The following MYOCD variants were observed in gnomAD, a reference collection of about 807,000 sequenced individuals.
MYOCD encodes the protein myocardin.
In MYOCD, 32 loss-of-function variants were observed where a neutral mutation model predicts 96.1. The ratio of observed to expected loss-of-function variants is 0.33; its 90% CI spans 0.25 to 0.45. MYOCD has a LOEUF of 0.45. Ranked by LOEUF, MYOCD falls within the 20% of genes least tolerant of loss-of-function variation. MYOCD has a pLI of 1.00. For missense variants in MYOCD, 1,133 were observed against 1,200.6 expected, an observed-to-expected ratio of 0.94 and a Z score of 0.83; for synonymous variants, 469 against 469.0, an observed-to-expected ratio of 1.00 and a Z score of 0.00.
intron 5 of MYOCD, among the ~76,000 whole-genome samples, chr17:12,734,603 C>T (rs950222497): frequency 4.7e-5 from 7 of 150,416 alleles, no homozygotes; most frequent in Middle Eastern, 3.5e-3. Flanking sequence ...CACTGCCTCC[C>T]GGGTTCAAGC....
intron 2 of MYOCD, among the ~76,000 whole-genome samples, chr17:12,715,161 G>A (rs2031600051): frequency 6.6e-6 from 1 of 152,044 alleles, no homozygotes. Flanking sequence ...CAAAGAGGGT[G>A]GTAGTTACCC....
chr17:12,733,721 G>A (rs919138391), intron 5 of MYOCD, among the ~76,000 whole-genome samples: 1 of 152,082 alleles, frequency 6.6e-6, no homozygotes, highest in African/African-American at 2.4e-5. Flanking sequence ...ACAAAAATTA[G>A]CTGGGCATGG....
In MYOCD at chr17:12,721,465, G is replaced by T. The variant is rs1252396280; in HGVS notation, c.254-1382G>T. On this transcript the variant is annotated intron_variant, in intron 4 of 13. Coordinates refer to ENST00000425538, the MANE Select transcript of MYOCD (RefSeq NM_001146312.3). ...ACAGGAAGAGTTAGGAAAGCCTTAT[G>T]CTGGGACCCAAAAGTACGATGTTGG... is the stretch of plus-strand genomic sequence containing the variant. Among the ~76,000 whole-genome samples the T allele has an allele frequency of 2.0e-5, 3 of 152,208 alleles. No individual in the cohort carries two copies. The East Asian group carries it at 5.8e-4, about 29-fold the overall frequency.
intron 1 of MYOCD, among the ~76,000 whole-genome samples, chr17:12,685,690 T>A (rs2150647515): frequency 6.6e-6 from 1 of 152,292 alleles, no homozygotes; most frequent in African/African-American, 2.4e-5. Flanking sequence ...AAGTTGAAGG[T>A]TCAGTTCTTC....
intron 2 of MYOCD, among the ~76,000 whole-genome samples, chr17:12,711,303 G>T (rs182776809): frequency 6.6e-6 from 1 of 152,212 alleles, no homozygotes; most frequent in East Asian, 1.9e-4. Flanking sequence ...AAACTCTCAG[G>T]CTTACTCAAG....
chr17:12,743,466 C>CA (rs2032569803), intron 7 of MYOCD, among the ~76,000 whole-genome samples: 1 of 149,010 alleles, frequency 6.7e-6, no homozygotes, highest in South Asian at 2.1e-4. Flanking sequence ...AAAGTGACTG[C>CA]ACATATGCAT....
At chr17:12,725,919 G>T (rs2031985544) in intron 5 of MYOCD, among the ~76,000 whole-genome samples, 1 of 152,106 alleles carries the variant, frequency 6.6e-6, no homozygotes, top group Admixed American at 6.5e-5. Flanking sequence ...ATCAAAAGAT[G>T]ATGAGGTGGC....
Position 12,729,868 on chromosome 17 carries a change from G to A in MYOCD, c.416-6293G>A, listed in dbSNP as rs910962911. The stretch of plus-strand genomic sequence containing the variant: ...CTAGAGGATTCACCTCAAGAGCAAC[G>A]CAGGGCAGGTATTTACACAGGTTAA... On this transcript the variant is annotated intron_variant, in intron 5 of 13. Transcript: ENST00000425538. Among the ~76,000 whole-genome samples the A allele has an allele frequency of 3.3e-5, 5 of 152,132 alleles. No individual in the cohort carries two copies. The South Asian group carries it at 6.2e-4, about 19-fold the overall frequency.
intron 7 of MYOCD, among the ~76,000 whole-genome samples, chr17:12,741,501 A>G (rs2032507671): frequency 6.6e-6 from 1 of 152,182 alleles, no homozygotes; most frequent in Non-Finnish European, 1.5e-5. Context: ...TGAGGTCAGG[A>G]GTTCGAGACC....
intron 3 of MYOCD, 111 bp downstream of exon 3, chr17:12,715,685 C>A (rs962960617): frequency 1.2e-5 from 9 of 773,122 alleles, no homozygotes; most frequent in Non-Finnish European, 1.9e-5. Context: ...AATCAATTTG[C>A]CAGTCCCCTG....
intron 2 of MYOCD, among the ~76,000 whole-genome samples, chr17:12,714,203 A>G (rs1567583634): frequency 6.6e-6 from 1 of 152,036 alleles, no homozygotes; most frequent in Non-Finnish European, 1.5e-5. Context: ...AGAGGATACT[A>G]TGGCCAACTA....
chr17:12,720,436 C>A (rs2031797609), intron 4 of MYOCD: 1 of 152,270 alleles, frequency 6.6e-6, no homozygotes, highest in African/African-American at 2.4e-5. Flanking sequence ...GTCCTGAATT[C>A]TTTCTCGACC....
In MYOCD at chr17:12,753,173, C is replaced by A. The variant is rs141965445; in HGVS notation, c.1885C>A (p.Leu629Ile). ...AACCAATGTACTTTCTTCCACATTTCTCAGCCCCCAGTGTTCCCCTCAGCA... is the reference window on the plus strand; with the variant it reads ...AACCAATGTACTTTCTTCCACATTTATCAGCCCCCAGTGTTCCCCTCAGCA... ...DQTNVLSSTF[L>I]SPQCSPQHSP... The change falls in exon 10 of 14, where the codon CTC becomes ATC. Residue 629 changes from leucine (L) to isoleucine (I), a missense_variant. Physicochemically the swap from Leu to Ile is conservative, Grantham distance 5. Transcript: ENST00000425538. 4.7e-4 allele frequency: 757 copies of A among 1,614,174 alleles called. 4 individuals are homozygous for A. The highest frequency in any genetic ancestry group is 4.6e-3 in the Middle Eastern group (28 of 6,062).
chr17:12,718,121 G>A (rs1391567070), intron 4 of MYOCD, among the ~76,000 whole-genome samples: 2 of 152,158 alleles, frequency 1.3e-5, no homozygotes, highest in African/African-American at 2.4e-5. Flanking sequence ...AACACACACT[G>A]TATTGGGTGT....
intron 6 of MYOCD, among the ~76,000 whole-genome samples, chr17:12,738,547 G>A (rs376508708): frequency 1.4e-3 from 215 of 151,290 alleles, no homozygotes; most frequent in South Asian, 0.014. Flanking sequence ...ACACACACAC[G>A]TATACACCTA....
intron 1 of MYOCD, among the ~76,000 whole-genome samples, chr17:12,679,468 T>A (rs1910317575): frequency 6.6e-6 from 1 of 152,212 alleles, no homozygotes; most frequent in Non-Finnish European, 1.5e-5. Context: ...TCAAGCATCA[T>A]GTTTGGTTGT....
At chr17:12,691,768 TA>T (rs766780705) in intron 1 of MYOCD, among the ~76,000 whole-genome samples, 27 of 152,214 alleles carry the variant, frequency 1.8e-4, no homozygotes, top group Non-Finnish European at 3.8e-4. Context: ...ACTCATGAGA[TA>T]AAAGTTTAGA....
intron 9 of MYOCD, among the ~76,000 whole-genome samples, chr17:12,749,717 A>ATACACATATGTATATATATGTGTATG (rs548373868): frequency 6.8e-6 from 1 of 147,644 alleles, no homozygotes; most frequent in African/African-American, 2.5e-5. Flanking sequence ...GTGTATATAT[A>ATACACATATGTATATATATGTGTATG]TGTGTGTGTG....
intron 1 of MYOCD, among the ~76,000 whole-genome samples, chr17:12,683,980 C>G (rs891566376): frequency 1.4e-4 from 21 of 152,204 alleles, no homozygotes; most frequent in African/African-American, 4.6e-4. Flanking sequence ...TCAAAGGCTC[C>G]TGGCAGCCCT....
Sources: gnomAD v4.1 joint callset for allele counts (sites outside exome capture counted in the v4.1 genomes callset) on GRCh38, gnomAD v4.1.1 for gene constraint, MANE v1.5 for transcripts, NCBI Gene and HGNC (gene_info 2026-07-23, HGNC 2026-07-21) for gene names.